KCNB2: variants seen among roughly 807,000 people sequenced by gnomAD.
The protein encoded by KCNB2 is potassium voltage-gated channel subfamily B member 2.
KCNB2 carries 15 observed loss-of-function variants against 61.5 expected under a neutral mutation model. The ratio of observed to expected loss-of-function variants is 0.24; its 90% CI spans 0.16 to 0.38. The LOEUF (loss-of-function observed/expected upper bound fraction) is 0.38. Among genes scored for constraint, KCNB2 ranks in the 10% least tolerant of loss-of-function variants. The pLI is 1.00. For missense variants in KCNB2, 828 were observed against 1,125.2 expected (o/e 0.74, Z 3.78); for synonymous variants, 457 against 446.0 (o/e 1.02, Z -0.31).
intron 2 of KCNB2, among the ~76,000 whole-genome samples, chr8:72,679,935 T>C (rs893478216): frequency 6.6e-6 from 1 of 152,218 alleles, no homozygotes; most frequent in African/African-American, 2.4e-5. Context: ...TCATCTCTAA[T>C]GGAATGATGC....
At chr8:72,783,307 G>GA (rs543855256) in intron 2 of KCNB2, among the ~76,000 whole-genome samples, 67 of 152,176 alleles carry the variant, frequency 4.4e-4, no homozygotes, top group Non-Finnish European at 8.1e-4. Context: ...GACTTCCTGT[G>GA]AAATTTAACC....
intron 2 of KCNB2, among the ~76,000 whole-genome samples, chr8:72,697,137 G>T (rs1168959914): frequency 6.6e-6 from 1 of 152,064 alleles, no homozygotes; most frequent in Non-Finnish European, 1.5e-5. Flanking sequence ...AAACAGACTG[G>T]TACAACAACT....
intron 2 of KCNB2, among the ~76,000 whole-genome samples, chr8:72,574,239 C>T (rs551645501): frequency 1.4e-4 from 21 of 152,282 alleles, no homozygotes; most frequent in Admixed American, 1.2e-3. Context: ...TCTGCTTTCC[C>T]GGAAAGGCTG....
intron 2 of KCNB2, chr8:72,750,538 C>G (rs1355543910): frequency 6.6e-6 from 1 of 152,148 alleles, no homozygotes; most frequent in African/African-American, 2.4e-5. Flanking sequence ...CATCACTGAA[C>G]TGATTGGGAA....
intron 2 of KCNB2, among the ~76,000 whole-genome samples, chr8:72,616,141 C>T (rs1016509110): frequency 1.3e-5 from 2 of 152,090 alleles, no homozygotes; most frequent in Non-Finnish European, 2.9e-5. Context: ...GGTTTTAAGT[C>T]GAAGGATTCC....
chr8:72,763,004 T>C (rs76846392), intron 2 of KCNB2, among the ~76,000 whole-genome samples: 173 of 149,834 alleles, frequency 1.2e-3, no homozygotes, highest in African/African-American at 3.8e-3. Flanking sequence ...GAAAAATCCT[T>C]TCTTTGAATT....
chr8:72,936,584 C>A lies in KCNB2; in HGVS notation c.1229C>A (p.Ala410Asp). 6.2e-7 allele frequency: 1 copy of A among 1,614,126 alleles called. No individual in the cohort carries two copies. Residue 410 changes from alanine (A) to aspartate (D), a missense_variant, in exon 3 of 3, where the codon GCC (alanine) becomes GAC (aspartate). This residue lies in a region of KCNB2 where 44 missense variants were observed against 167.6 expected (regional missense o/e 0.26). Coordinates refer to ENST00000523207, the MANE Select transcript of KCNB2 (RefSeq NM_004770.3). The surrounding 1 kb of genome is among the most constrained non-coding windows in gnomAD (Gnocchi z 5.6). Reference sequence around the variant, plus strand: ...TGTATTGCTGGGGTTCTGGTTATTGCCCTTCCTATCCCAATTATTGTGAAC... The same window carrying A: ...TGTATTGCTGGGGTTCTGGTTATTGACCTTCCTATCCCAATTATTGTGAAC... ...LCCIAGVLVI[A>D]LPIPIIVNNF... is the part of the protein sequence containing the mutation.
intron 2 of KCNB2, among the ~76,000 whole-genome samples, chr8:72,851,826 G>GGAAAAAAAAAAAAA (rs1303050547): frequency 2.3e-5 from 1 of 43,868 alleles, no homozygotes; most frequent in East Asian, 5.9e-4. Flanking sequence ...GAAGCTGTAG[G>GGAAAAAAAAAAAAA]AAAAAAAAAA....
chr8:72,846,805 T>C (rs1810002465), intron 2 of KCNB2, among the ~76,000 whole-genome samples: 1 of 152,284 alleles, frequency 6.6e-6, no homozygotes, highest in East Asian at 1.9e-4. Context: ...TTTACACTGT[T>C]GGTGGGACTG....
chr8:72,787,063 G>C (rs193238210), intron 2 of KCNB2, among the ~76,000 whole-genome samples: 2 of 152,250 alleles, frequency 1.3e-5, no homozygotes, highest in South Asian at 2.1e-4. Flanking sequence ...TCTGATTCTA[G>C]TTAGAAAATG....
chr8:72,573,205 G>A (rs1309250136), intron 2 of KCNB2, among the ~76,000 whole-genome samples: 1 of 152,074 alleles, frequency 6.6e-6, no homozygotes, highest in Non-Finnish European at 1.5e-5. Flanking sequence ...ACTTATCAAG[G>A]AAGAAAAAAT....
chr8:72,612,700 G>A (rs1190577190), intron 2 of KCNB2, among the ~76,000 whole-genome samples: 2 of 152,180 alleles, frequency 1.3e-5, no homozygotes, highest in African/African-American at 2.4e-5. Flanking sequence ...CTTGGGCTTT[G>A]TGGAGGTAAA....
At chr8:72,688,195 G>A (rs1972888) in intron 2 of KCNB2, among the ~76,000 whole-genome samples, 107,947 of 152,084 alleles carry the variant, frequency 0.71, 39,262 homozygotes, top group African/African-American at 0.86. Context: ...TGTGATTGTC[G>A]TGTACCTACT....
At chr8:72,794,950 G>T (rs1809007789) in intron 2 of KCNB2, among the ~76,000 whole-genome samples, 2 of 152,160 alleles carry the variant, frequency 1.3e-5, no homozygotes, top group South Asian at 4.1e-4. Context: ...AAAAAAAGTT[G>T]TGTCTCCATT....
intron 1 of KCNB2, among the ~76,000 whole-genome samples, chr8:72,556,439 T>TA (rs1466967742): frequency 4.6e-5 from 7 of 152,036 alleles, no homozygotes; most frequent in East Asian, 1.9e-4. Flanking sequence ...GATGGATGGT[T>TA]AAAAAATGCT....
rs935185647 is a variant in KCNB2 at position 72,600,614 on chromosome 8, A to G, written c.579+32301A>G. The stretch of plus-strand genomic sequence containing the variant: ...ATAATAATAATAAAATTTAAAAAAA[A>G]AAGAAAATGTGGTATGTATACACCA... On this transcript the variant is annotated intron_variant, in intron 2 of 2. Transcript: ENST00000523207. Among the ~76,000 whole-genome samples the G allele has an allele frequency of 3.9e-5, 6 of 152,062 alleles. No homozygotes were observed. The South Asian group carries it at 1.2e-3, about 32-fold the overall frequency.
At chr8:72,751,914 G>A (rs1475557741) in intron 2 of KCNB2, 3 of 152,248 alleles carry the variant, frequency 2.0e-5, no homozygotes, top group Non-Finnish European at 2.9e-5. Flanking sequence ...AGGGAAGAAG[G>A]AGAAAACATT....
intron 1 of KCNB2, among the ~76,000 whole-genome samples, chr8:72,538,488 T>G (rs1446504798): frequency 2.0e-5 from 3 of 152,214 alleles, no homozygotes; most frequent in Non-Finnish European, 4.4e-5. Flanking sequence ...TTCAAAATAG[T>G]ATGCCGCCAT....
At chr8:72,872,642 A>G (rs1805637602) in intron 2 of KCNB2, among the ~76,000 whole-genome samples, 1 of 152,224 alleles carries the variant, frequency 6.6e-6, no homozygotes, top group Admixed American at 6.5e-5. Context: ...AATGAGAGCA[A>G]GATATTCTAC....
Sources: allele counts gnomAD v4.1 joint callset (sites outside exome capture counted in the v4.1 genomes callset), GRCh38; gene constraint gnomAD v4.1.1; regional missense constraint gnomAD v4.1.1; non-coding constraint Gnocchi (gnomAD v3.1); transcripts MANE v1.5; gene names NCBI Gene and HGNC (gene_info 2026-07-23, HGNC 2026-07-21).